The following GPR158 variants were observed in gnomAD, a reference collection of about 807,000 sequenced individuals.
The protein encoded by GPR158 is metabotropic glycine receptor.
Under a neutral mutation model 78.2 loss-of-function variants are expected in GPR158, and 30 were observed. The observed-to-expected ratio is 0.38, with a 90% CI of 0.29 to 0.52. The LOEUF (loss-of-function observed/expected upper bound fraction) is 0.52, where lower values mean the gene tolerates loss of function less well. GPR158 is among the 20% of genes least tolerant of loss of function. The probability of loss-of-function intolerance (pLI) is 0.83; values close to 1 mark genes in which losing one functional copy is unlikely to be tolerated. For missense variants in GPR158, 1,463 were observed against 1,523.5 expected (o/e 0.96, Z 0.66); for synonymous variants, 581 against 591.1 (o/e 0.98, Z 0.25).
At chr10:25,374,024 A>T (rs1253816916) in intron 2 of GPR158, among the ~76,000 whole-genome samples, 3 of 151,738 alleles carry the variant, frequency 2.0e-5, no homozygotes, top group Non-Finnish European at 1.5e-5. Context: ...AAATGTATTA[A>T]ATCCCATACT....
intron 4 of GPR158, among the ~76,000 whole-genome samples, chr10:25,451,236 A>G (rs530859229): frequency 4.7e-4 from 72 of 152,242 alleles, no homozygotes; most frequent in African/African-American, 1.6e-3. Context: ...ATTTTCATAG[A>G]CCCTTCAAAG....
chr10:25,364,943 G>C (rs1300458522), intron 2 of GPR158, among the ~76,000 whole-genome samples: 1 of 151,444 alleles, frequency 6.6e-6, no homozygotes, highest in Non-Finnish European at 1.5e-5. Flanking sequence ...GCCATAGAGA[G>C]CATTTAGAAG....
At chr10:25,383,584 C>T (rs892173286) in intron 2 of GPR158, among the ~76,000 whole-genome samples, 1 of 152,106 alleles carries the variant, frequency 6.6e-6, no homozygotes, top group African/African-American at 2.4e-5. Flanking sequence ...AACTCTGCAT[C>T]GGGAAGGGAG....
chr10:25,280,273 A>T (rs1854249465), intron 2 of GPR158, among the ~76,000 whole-genome samples: 1 of 152,188 alleles, frequency 6.6e-6, no homozygotes, highest in Non-Finnish European at 1.5e-5. Flanking sequence ...AAGAATAAGG[A>T]TGAAAAAAGA....
intron 5 of GPR158, among the ~76,000 whole-genome samples, chr10:25,471,887 G>A (rs774675150): frequency 1.2e-3 from 189 of 152,134 alleles, no homozygotes; most frequent in Non-Finnish European, 2.3e-3. Flanking sequence ...AGTAGGTTGC[G>A]AAAATTTTCT....
intron 1 of GPR158, among the ~76,000 whole-genome samples, chr10:25,189,814 A>G (rs1852745680): frequency 6.7e-6 from 1 of 149,746 alleles, no homozygotes; most frequent in Non-Finnish European, 1.5e-5. Flanking sequence ...AAAAAAAAAA[A>G]AGAGAAAAGA....
At chr10:25,444,265 G>T (rs1835107947) in intron 4 of GPR158, among the ~76,000 whole-genome samples, 1 of 151,066 alleles carries the variant, frequency 6.6e-6, no homozygotes, top group South Asian at 2.1e-4. Flanking sequence ...TGTGGGGGAG[G>T]GGCATGTGTA....
At chr10:25,389,430 G>A (rs1300267869) in intron 2 of GPR158, among the ~76,000 whole-genome samples, 2 of 152,168 alleles carry the variant, frequency 1.3e-5, no homozygotes, top group Non-Finnish European at 2.9e-5. Context: ...GCCTCACAGA[G>A]AGGAGACTCT....
At chr10:25,273,019 C>A (rs935396323) in intron 2 of GPR158, among the ~76,000 whole-genome samples, 1 of 152,166 alleles carries the variant, frequency 6.6e-6, no homozygotes, top group African/African-American at 2.4e-5. Context: ...TACCAAAAGT[C>A]ACACAATTAG....
At chr10:25,415,543 C>T (rs536452596) in intron 4 of GPR158, among the ~76,000 whole-genome samples, 4 of 152,164 alleles carry the variant, frequency 2.6e-5, no homozygotes, top group South Asian at 4.1e-4. Flanking sequence ...TCATTCATTC[C>T]TGTTGGAAAT....
At chr10:25,251,334 G>C (rs1184925819) in intron 2 of GPR158, among the ~76,000 whole-genome samples, 2 of 151,432 alleles carry the variant, frequency 1.3e-5, no homozygotes, top group Non-Finnish European at 2.9e-5. Context: ...ATATTGTTAT[G>C]TGTGAATGTG....
intron 2 of GPR158, among the ~76,000 whole-genome samples, chr10:25,329,206 G>A (rs1465659375): frequency 1.3e-5 from 2 of 152,050 alleles, no homozygotes; most frequent in African/African-American, 4.8e-5. Flanking sequence ...GGAGGCCGAG[G>A]CGGGCAGATC....
intron 2 of GPR158, among the ~76,000 whole-genome samples, chr10:25,240,639 G>A (rs912901186): frequency 1.3e-5 from 2 of 149,208 alleles, no homozygotes; most frequent in Admixed American, 6.7e-5. Context: ...CTGATAGAAC[G>A]AATAGATGGT....
chr10:25,428,791 T>G (rs1478668502), intron 4 of GPR158, among the ~76,000 whole-genome samples: 8 of 152,078 alleles, frequency 5.3e-5, no homozygotes, highest in African/African-American at 1.9e-4. Flanking sequence ...CAATGAAATA[T>G]TTGATTATGT....
At chr10:25,412,165 A>C (rs868743512) in intron 3 of GPR158, 85 bp from the exon 4 acceptor site, 1 of 858,352 alleles carries the variant, frequency 1.2e-6, no homozygotes, top group Middle Eastern at 2.3e-4. Context: ...AGGAATGAGG[A>C]GTCACGGATG....
intron 2 of GPR158, among the ~76,000 whole-genome samples, chr10:25,231,920 G>T (rs1485296607): frequency 6.6e-6 from 1 of 152,160 alleles, no homozygotes; most frequent in African/African-American, 2.4e-5. Flanking sequence ...TCAGGGTGAG[G>T]CTGAGTTTGA....
At chr10:25,204,850 G>T (rs1427374926) in intron 1 of GPR158, among the ~76,000 whole-genome samples, 6 of 147,014 alleles carry the variant, frequency 4.1e-5, no homozygotes, top group African/African-American at 7.8e-5. Flanking sequence ...ATTTCGGTGG[G>T]GTCGGTGGTA....
At chr10:25,411,866 G>A (rs747462615) in intron 3 of GPR158, among the ~76,000 whole-genome samples, 22 of 140,700 alleles carry the variant, frequency 1.6e-4, no homozygotes, top group African/African-American at 3.2e-4. Context: ...CCCAGGAGGC[G>A]GAGCTTGCAG....
intron 2 of GPR158, among the ~76,000 whole-genome samples, chr10:25,252,227 C>CAA (rs1320467677): frequency 6.6e-6 from 1 of 150,478 alleles, no homozygotes. Flanking sequence ...AAATTTTTTT[C>CAA]AAAGTTTTCA....
Sources: gnomAD v4.1 joint callset for allele counts (sites outside exome capture counted in the v4.1 genomes callset) on GRCh38, gnomAD v4.1.1 for gene constraint, MANE v1.5 for transcripts, NCBI Gene and HGNC (gene_info 2026-07-23, HGNC 2026-07-21) for gene names.